The following SLC35D2 variants were observed in gnomAD, a reference collection of about 807,000 sequenced individuals.
SLC35D2 encodes nucleotide sugar transporter SLC35D2.
SLC35D2 carries 43 observed loss-of-function variants against 41.8 expected under a neutral mutation model. The observed-to-expected ratio is 1.03, with a 90% CI of 0.81 to 1.33. The LOEUF (loss-of-function observed/expected upper bound fraction) is 1.33. SLC35D2 is among the 40% of genes most tolerant of loss of function. SLC35D2 has a pLI of 0.00. For synonymous variants in SLC35D2, 150 were observed against 163.9 expected (o/e 0.92, Z 0.65); for missense variants, 380 against 408.4 (o/e 0.93, Z 0.60).
chr9:96,368,419 T>G (rs1830556105), intron 1 of SLC35D2, 114 bp from the exon 2 acceptor site: 1 of 859,956 alleles, frequency 1.2e-6, no homozygotes, highest in Non-Finnish European at 1.8e-6. Context: ...ATTTATCAAA[T>G]TGTTCACTTT....
At chr9:96,344,852 T>C (rs1275854328) in intron 7 of SLC35D2, among the ~76,000 whole-genome samples, 2 of 152,000 alleles carry the variant, frequency 1.3e-5, no homozygotes, top group Non-Finnish European at 2.9e-5. Flanking sequence ...AAATTATCCA[T>C]TGCAGTCATT....
At chr9:96,323,950 A>C in intron 10 of SLC35D2, 141 bp downstream of exon 10, 2 of 628,636 alleles carry the variant, frequency 3.2e-6, no homozygotes, top group Non-Finnish European at 5.7e-6. Flanking sequence ...GTAAGATGGG[A>C]TCACACAGGC....
intron 8 of SLC35D2, among the ~76,000 whole-genome samples, chr9:96,339,174 G>C (rs991638949): frequency 1.6e-4 from 24 of 151,908 alleles, no homozygotes; most frequent in Admixed American, 7.2e-4. Flanking sequence ...GCGGTGGCAC[G>C]ATCTCAGCTC....
intron 8 of SLC35D2, among the ~76,000 whole-genome samples, chr9:96,338,039 G>C (rs900016299): frequency 2.1e-5 from 3 of 145,266 alleles, no homozygotes; most frequent in South Asian, 2.2e-4. Context: ...TTAATCCCTA[G>C]CTGAGAAAAT....
chr9:96,374,679 A>T (rs561886966), intron 1 of SLC35D2, among the ~76,000 whole-genome samples: 37 of 139,516 alleles, frequency 2.7e-4, no homozygotes, highest in Admixed American at 5.0e-4. Flanking sequence ...CTAAAAAAAT[A>T]AAAAAAAAAT....
chr9:96,337,188 T>A (rs563934193), intron 8 of SLC35D2, among the ~76,000 whole-genome samples: 1 of 152,142 alleles, frequency 6.6e-6, no homozygotes, highest in Non-Finnish European at 1.5e-5. Context: ...TTATAAATCG[T>A]TTTAGAAGAA....
chr9:96,325,158 C>T (rs956066390), intron 9 of SLC35D2, among the ~76,000 whole-genome samples: 2 of 152,154 alleles, frequency 1.3e-5, no homozygotes, highest in African/African-American at 4.8e-5. Flanking sequence ...TGACTACAGC[C>T]TTGTGGATGA....
Position 96,378,448 on chromosome 9 carries a change from C to CA in SLC35D2, c.158+5028dup, listed in dbSNP as rs1304651790. 1.7e-4 allele frequency among the ~76,000 whole-genome samples: 26 copies of CA among 150,188 alleles called. 1 individual carries two copies. In the South Asian group the frequency reaches 4.4e-3, roughly 26 times the overall value. On this transcript the variant is annotated intron_variant, in intron 1 of 11. Coordinates refer to ENST00000253270, the MANE Select transcript of SLC35D2 (RefSeq NM_007001.3). ...GTCTCAAAAAACAAAACAAAACAAA[C>CA]AAAAAAAAACCTCAAAGCCTTTGGA...
At chr9:96,345,872 C>G (rs1411369529) in intron 6 of SLC35D2, among the ~76,000 whole-genome samples, 1 of 152,240 alleles carries the variant, frequency 6.6e-6, no homozygotes, top group African/African-American at 2.4e-5. Context: ...GCACCCCGTC[C>G]ATCAAAATGG....
chr9:96,382,496 CTA>C (rs142809659), intron 1 of SLC35D2, among the ~76,000 whole-genome samples: 214 of 127,620 alleles, frequency 1.7e-3, no homozygotes, highest in Middle Eastern at 4.5e-3. Context: ...CACACACACA[CTA>C]TATATATATA....
chr9:96,349,532 CT>C (rs112662298), intron 6 of SLC35D2, among the ~76,000 whole-genome samples: 73 of 146,748 alleles, frequency 5.0e-4, no homozygotes, highest in Admixed American at 6.1e-4. Context: ...TTGTCAGTTC[CT>C]TTTTTTTTTT....
downstream of SLC35D2, among the ~76,000 whole-genome samples, chr9:96,319,540 A>G (rs1053214020): frequency 2.0e-5 from 3 of 152,102 alleles, no homozygotes; most frequent in Non-Finnish European, 4.4e-5. Flanking sequence ...GGGTCTCACC[A>G]TGTCACTGAG....
intron 4 of SLC35D2, among the ~76,000 whole-genome samples, chr9:96,353,915 C>T (rs1244617398): frequency 6.6e-6 from 1 of 152,164 alleles, no homozygotes; most frequent in Admixed American, 6.6e-5. Flanking sequence ...AACAGCAGCA[C>T]AGGAGGAGAG....
At chr9:96,315,278 C>T (rs572171388) in intron 11 of SLC35D2, among the ~76,000 whole-genome samples, 1 of 152,100 alleles carries the variant, frequency 6.6e-6, no homozygotes, top group Non-Finnish European at 1.5e-5. Context: ...CGCCACCATG[C>T]CTGGCTAATG....
chr9:96,352,075 T>C lies in SLC35D2; in HGVS notation c.382A>G (p.Ile128Val). 1 of 1,612,634 alleles carries C rather than the reference T, an allele frequency of 6.2e-7. No individual in the cohort carries two copies. Among genetic ancestry groups the C allele is most frequent in the Non-Finnish European group, 8.5e-7 (1 of 1,179,266 alleles). The change falls in exon 5 of 12, where the codon ATT (isoleucine) becomes GTT (valine). Residue 128 changes from isoleucine (I) to valine (V), a missense_variant. Transcript: ENST00000253270. ...GTTTCCAGAAGTAAGGTAAGTGGAA[T>C]GGTGAATTTCCTGAGCACGGTGAAC... is the stretch of plus-strand genomic sequence containing the variant. The part of the protein sequence containing the change: ...PMFTVLRKFT[I>V]PLTLLLETII...
chr9:96,355,620 C>T (rs1829993177), intron 4 of SLC35D2, among the ~76,000 whole-genome samples: 1 of 152,006 alleles, frequency 6.6e-6, no homozygotes, highest in African/African-American at 2.4e-5. Context: ...CCTCAGCCTC[C>T]CAAGTAGCTG....
chr9:96,348,134 C>A (rs545329788), intron 6 of SLC35D2, among the ~76,000 whole-genome samples: 1 of 152,320 alleles, frequency 6.6e-6, no homozygotes, highest in East Asian at 1.9e-4. Context: ...TCCACAAGAT[C>A]CAAGAACCCT....
At chr9:96,380,674 C>T (rs1831164230) in intron 1 of SLC35D2, among the ~76,000 whole-genome samples, 1 of 151,782 alleles carries the variant, frequency 6.6e-6, no homozygotes, top group African/African-American at 2.4e-5. Context: ...AGGGTTTCAC[C>T]ATGCTGGCCA....
intron 9 of SLC35D2, among the ~76,000 whole-genome samples, chr9:96,332,216 G>A (rs1466191349): frequency 6.6e-6 from 1 of 152,090 alleles, no homozygotes; most frequent in East Asian, 1.9e-4. Flanking sequence ...AGGCTGAGTG[G>A]GCTCGCCTCG....
Sources: gnomAD v4.1 joint callset for allele counts (sites outside exome capture counted in the v4.1 genomes callset) on GRCh38, gnomAD v4.1.1 for gene constraint, MANE v1.5 for transcripts, NCBI Gene and HGNC (gene_info 2026-07-23, HGNC 2026-07-21) for gene names.